SPIDR: variants seen among roughly 807,000 people sequenced by gnomAD.
The protein encoded by SPIDR is DNA repair-scaffolding protein.
Under a neutral mutation model 104.6 loss-of-function variants are expected in SPIDR, and 93 were observed. The ratio of observed to expected loss-of-function variants is 0.89; its 90% CI spans 0.75 to 1.06. The LOEUF (loss-of-function observed/expected upper bound fraction) is 1.06, where lower values mean the gene tolerates loss of function less well. SPIDR is among the 50% of genes least tolerant of loss of function. The pLI is 0.00. For synonymous variants in SPIDR, 431 were observed against 416.9 expected, an observed-to-expected ratio of 1.03 and a Z score of -0.41; for missense variants, 1,154 against 1,111.2, an observed-to-expected ratio of 1.04 and a Z score of -0.55.
chr8:47,689,200 G>T (rs1253692478), intron 11 of SPIDR, among the ~76,000 whole-genome samples: 6 of 152,178 alleles, frequency 3.9e-5, no homozygotes, highest in African/African-American at 1.4e-4. Flanking sequence ...AACTGGACTT[G>T]TTTTCATGAC....
intron 7 of SPIDR, among the ~76,000 whole-genome samples, chr8:47,424,885 C>A (rs1379294758): frequency 1.3e-5 from 2 of 152,116 alleles, no homozygotes; most frequent in South Asian, 4.1e-4. Context: ...CGCCTGCCAC[C>A]ACCCCTGGGT....
chr8:47,450,797 A>T (rs1435485846), intron 8 of SPIDR, among the ~76,000 whole-genome samples: 1 of 152,192 alleles, frequency 6.6e-6, no homozygotes, highest in Non-Finnish European at 1.5e-5. Flanking sequence ...ATAACTACCA[A>T]CCTGGAAGGA....
In SPIDR at chr8:47,385,776, T is replaced by C. The variant is rs536637385; in HGVS notation, c.526-10600T>C. On this transcript the variant is annotated intron_variant, in intron 5 of 19. Transcript: ENST00000297423. ...TACATCAAAGAAAACAAACTGCTTG[T>C]TAATTGTGGCAGATTTTTTCTTTTT... is the stretch of plus-strand genomic sequence containing the variant. 5.9e-5 allele frequency among the ~76,000 whole-genome samples: 9 copies of C among 152,342 alleles called. No individual in the cohort carries two copies. In the South Asian group the frequency reaches 1.9e-3, roughly 32 times the overall value.
At chr8:47,361,149 T>A (rs1291104932) in intron 5 of SPIDR, among the ~76,000 whole-genome samples, 1 of 152,234 alleles carries the variant, frequency 6.6e-6, no homozygotes, top group Non-Finnish European at 1.5e-5. Context: ...TTATCATCTG[T>A]AAATTGGAAA....
At chr8:47,515,797 T>C (rs527816073) in intron 8 of SPIDR, among the ~76,000 whole-genome samples, 2 of 152,358 alleles carry the variant, frequency 1.3e-5, no homozygotes, top group Admixed American at 1.3e-4. Context: ...TGTATACACA[T>C]ACAGTCCATG....
intron 5 of SPIDR, among the ~76,000 whole-genome samples, chr8:47,326,311 A>G (rs2047659247): frequency 6.6e-6 from 1 of 152,116 alleles, no homozygotes; most frequent in African/African-American, 2.4e-5. Flanking sequence ...CACCACACCT[A>G]ATTTCTTTTA....
At chr8:47,279,708 C>T (rs1033604375) in intron 1 of SPIDR, among the ~76,000 whole-genome samples, 154 bp from the exon 2 acceptor site, 38 of 152,192 alleles carry the variant, frequency 2.5e-4, no homozygotes, top group African/African-American at 8.9e-4. Flanking sequence ...TGTCCGGTTG[C>T]TCTTTATGTG....
intron 5 of SPIDR, among the ~76,000 whole-genome samples, chr8:47,316,547 C>T (rs948811353): frequency 3.3e-5 from 5 of 152,134 alleles, no homozygotes; most frequent in African/African-American, 1.2e-4. Context: ...TGTCTTGGTA[C>T]ATCAACAACA....
At chr8:47,510,799 G>A (rs2082199127) in intron 8 of SPIDR, among the ~76,000 whole-genome samples, 1 of 152,078 alleles carries the variant, frequency 6.6e-6, no homozygotes, top group South Asian at 2.1e-4. Flanking sequence ...TCCACTACTT[G>A]TTTTTGGTTA....
At chr8:47,440,192 A>C (rs1253567052) in intron 7 of SPIDR, 131 bp from the exon 8 acceptor site, 4 of 738,436 alleles carry the variant, frequency 5.4e-6, no homozygotes, top group Admixed American at 5.5e-5. Flanking sequence ...ACTTTGCAAA[A>C]TGTGGAGACC....
chr8:47,417,587 G>C (rs1269777864), intron 7 of SPIDR, among the ~76,000 whole-genome samples: 3 of 152,218 alleles, frequency 2.0e-5, no homozygotes, highest in African/African-American at 7.2e-5. Flanking sequence ...TGTTCACTCT[G>C]ATGGTAGTTT....
chr8:47,511,831 T>C (rs1318540782), intron 8 of SPIDR: 4 of 893,630 alleles, frequency 4.5e-6, no homozygotes, highest in Non-Finnish European at 7.6e-6. Context: ...GCCAACAATC[T>C]GCTGTCCACT....
At chr8:47,492,812 A>G (rs2078916317) in intron 8 of SPIDR, among the ~76,000 whole-genome samples, 1 of 152,192 alleles carries the variant, frequency 6.6e-6, no homozygotes, top group Admixed American at 6.5e-5. Context: ...TCCTTCATGC[A>G]GCTTCTCCAA....
intron 8 of SPIDR, among the ~76,000 whole-genome samples, chr8:47,569,984 G>A (rs535744984): frequency 6.6e-6 from 1 of 152,066 alleles, no homozygotes; most frequent in Admixed American, 6.5e-5. Flanking sequence ...AGATTAATAG[G>A]GTTAAGAAGG....
chr8:47,586,613 A>G (rs545868674), intron 8 of SPIDR, among the ~76,000 whole-genome samples: 4 of 152,240 alleles, frequency 2.6e-5, no homozygotes, highest in African/African-American at 7.2e-5. Context: ...AGAATTCTCT[A>G]TATGTTCTAA....
intron 5 of SPIDR, among the ~76,000 whole-genome samples, chr8:47,387,359 A>T (rs1374447164): frequency 6.6e-6 from 1 of 152,108 alleles, no homozygotes; most frequent in Non-Finnish European, 1.5e-5. Flanking sequence ...AGAGCATGGA[A>T]TGCTCTGACT....
At chr8:47,455,897 G>A (rs72646333) in intron 8 of SPIDR, among the ~76,000 whole-genome samples, 7,206 of 152,120 alleles carry the variant, frequency 0.047, 249 homozygotes, top group Non-Finnish European at 0.073. Flanking sequence ...ATAGATCTAC[G>A]TTAATTGTTG....
intron 8 of SPIDR, among the ~76,000 whole-genome samples, chr8:47,571,931 G>A (rs1319540477): frequency 6.6e-6 from 1 of 152,126 alleles, no homozygotes; most frequent in South Asian, 2.1e-4. Context: ...CCGTGGATGA[G>A]AGAACACTGT....
At chr8:47,301,715 GC>G (rs1339071550) in intron 5 of SPIDR, among the ~76,000 whole-genome samples, 4 of 132,828 alleles carry the variant, frequency 3.0e-5, no homozygotes, top group African/African-American at 8.8e-5. Flanking sequence ...GCTTAGTTTG[GC>G]TGGATATGAA....
Sources: gnomAD v4.1 joint callset for allele counts (sites outside exome capture counted in the v4.1 genomes callset) on GRCh38, gnomAD v4.1.1 for gene constraint, MANE v1.5 for transcripts, NCBI Gene and HGNC (gene_info 2026-07-23, HGNC 2026-07-21) for gene names.